NBAS: variants seen among roughly 807,000 people sequenced by gnomAD.
NBAS encodes NBAS subunit of NRZ tethering complex, also known as NAG/BC035112 fusion.
NBAS carries 219 observed loss-of-function variants against 302.5 expected under a neutral mutation model. That is an observed-to-expected ratio of 0.72 (90% CI 0.65 to 0.81). The LOEUF is 0.81. Among genes scored for constraint, NBAS ranks in the 30% least tolerant of loss-of-function variants. The probability of loss-of-function intolerance (pLI) is 0.00; values close to 1 mark genes in which losing one functional copy is unlikely to be tolerated. For missense variants in NBAS, 2,932 were observed against 2,841.6 expected (o/e 1.03, Z -0.72); for synonymous variants, 1,118 against 1,021.6 (o/e 1.09, Z -1.80).
At chr2:15,343,934 TGA>T (rs1461498890) in intron 35 of NBAS, among the ~76,000 whole-genome samples, 1 of 134,926 alleles carries the variant, frequency 7.4e-6, no homozygotes, top group Non-Finnish European at 1.6e-5. Context: ...AAATATACAC[TGA>T]GAGAAAAAAT....
At chr2:14,929,615 T>G in the NBAS span, among the ~76,000 whole-genome samples, 5 of 152,176 alleles carry the variant, frequency 3.3e-5, no homozygotes, top group Non-Finnish European at 7.3e-5. Context: ...TGACCTCAGA[T>G]GATCTGCCTG....
In NBAS at chr2:15,554,144, A is replaced by G; in HGVS notation, c.210-6T>C. On this transcript the variant is annotated splice_region_variant and splice_polypyrimidine_tract_variant and intron_variant, in intron 3 of 51. Coordinates refer to ENST00000281513, the MANE Select transcript of NBAS (RefSeq NM_015909.4). Reference sequence around the variant, plus strand: ...GGAGCAAAAAAGGTGCCGGGCTGAAATCACAACACATTAGTTAGCTTAAAA... The same window carrying G: ...GGAGCAAAAAAGGTGCCGGGCTGAAGTCACAACACATTAGTTAGCTTAAAA... 6.2e-7 allele frequency: 1 copy of G among 1,611,518 alleles called. No homozygotes were observed. The highest frequency in any genetic ancestry group is 8.5e-7 in the Non-Finnish European group (1 of 1,178,106).
the NBAS span, among the ~76,000 whole-genome samples, chr2:15,114,264 A>G: frequency 4.6e-5 from 7 of 152,308 alleles, no homozygotes; most frequent in Admixed American, 3.9e-4. Flanking sequence ...CTAGAAATTC[A>G]AGATCAAAAT....
Position 15,279,012 on chromosome 2 carries a change from A to G in NBAS, c.5139-1911T>C, listed in dbSNP as rs182952916. On this transcript the variant is annotated intron_variant, in intron 42 of 51. Transcript: ENST00000281513. ...TTCAACGAATACCATCATCTCTGAA[A>G]GACAGTGTACACACAGTAGTATGGG... is the stretch of plus-strand genomic sequence containing the variant. 4.7e-4 allele frequency among the ~76,000 whole-genome samples: 71 copies of G among 152,316 alleles called. 1 individual carries two copies. The highest frequency in any genetic ancestry group is 4.6e-3 in the Admixed American group (71 of 15,296).
At chr2:15,182,883 A>G (rs573115437) in intron 50 of NBAS, among the ~76,000 whole-genome samples, 1 of 152,302 alleles carries the variant, frequency 6.6e-6, no homozygotes, top group African/African-American at 2.4e-5. Flanking sequence ...AGGCATTCTG[A>G]GGAGTCGTGA....
chr2:15,558,853 G>C (rs181328238), intron 1 of NBAS, among the ~76,000 whole-genome samples: 1 of 152,142 alleles, frequency 6.6e-6, no homozygotes, highest in East Asian at 1.9e-4. Flanking sequence ...CTGACTGCTT[G>C]AGCCCAGGAG....
At chr2:15,111,771 G>A in the NBAS span, among the ~76,000 whole-genome samples, 6 of 151,550 alleles carry the variant, frequency 4.0e-5, no homozygotes, top group Admixed American at 2.0e-4. Flanking sequence ...AGCAAGGAAC[G>A]CTTAGAAGGT....
chr2:15,195,375 T>A (rs567441423), intron 48 of NBAS, among the ~76,000 whole-genome samples: 1 of 152,330 alleles, frequency 6.6e-6, no homozygotes, highest in African/African-American at 2.4e-5. Context: ...AAGGGTTATA[T>A]ACATACTGTC....
chr2:15,033,121 T>G, the NBAS span, among the ~76,000 whole-genome samples: 1 of 152,216 alleles, frequency 6.6e-6, no homozygotes, highest in Non-Finnish European at 1.5e-5. Context: ...GAACGGCCAC[T>G]CCAATGGGCA....
intron 50 of NBAS, among the ~76,000 whole-genome samples, chr2:15,185,124 T>C (rs944927462): frequency 6.6e-6 from 1 of 152,184 alleles, no homozygotes; most frequent in Non-Finnish European, 1.5e-5. Context: ...GCACAGAGAC[T>C]TGATTTGAAG....
At chr2:15,212,551 G>A (rs997694111) in intron 48 of NBAS, among the ~76,000 whole-genome samples, 1 of 152,130 alleles carries the variant, frequency 6.6e-6, no homozygotes, top group African/African-American at 2.4e-5. Context: ...CCTGTGTACT[G>A]TGCAGACTTT....
At chr2:14,906,739 C>T in the NBAS span, among the ~76,000 whole-genome samples, 5,034 of 152,206 alleles carry the variant, frequency 0.033, 314 homozygotes, top group African/African-American at 0.11. Flanking sequence ...CATTATTCTC[C>T]GATTTTTCTG....
chr2:15,190,869 T>C (rs1665319659), intron 48 of NBAS, among the ~76,000 whole-genome samples: 1 of 152,244 alleles, frequency 6.6e-6, no homozygotes, highest in African/African-American at 2.4e-5. Context: ...AAAGTGTATC[T>C]GTCATAGAAC....
the NBAS span, among the ~76,000 whole-genome samples, chr2:14,991,670 G>A: frequency 6.6e-6 from 1 of 152,170 alleles, no homozygotes; most frequent in Non-Finnish European, 1.5e-5. Flanking sequence ...TGATTCCAAT[G>A]TTCAGCCAAG....
chr2:15,522,855 C>T (rs572246265), intron 9 of NBAS, among the ~76,000 whole-genome samples: 2 of 152,110 alleles, frequency 1.3e-5, no homozygotes, highest in East Asian at 1.9e-4. Context: ...AGTCTATTAA[C>T]ACGTTTTATA....
intron 6 of NBAS, among the ~76,000 whole-genome samples, chr2:15,545,469 C>T (rs1009892166): frequency 2.0e-5 from 3 of 151,982 alleles, no homozygotes; most frequent in African/African-American, 4.8e-5. Context: ...ATCTCAAAAC[C>T]GATACAGGGG....
At chr2:15,327,690 TG>T in intron 38 of NBAS, 59 bp downstream of exon 38, 1 of 1,599,110 alleles carries the variant, frequency 6.3e-7, no homozygotes, top group Non-Finnish European at 8.5e-7. Flanking sequence ...CACAAATTTT[TG>T]GTTAACAATG....
chr2:15,396,379 C>T (rs1675864702), intron 27 of NBAS, 34 bp downstream of exon 27: 2 of 1,533,176 alleles, frequency 1.3e-6, no homozygotes, highest in Non-Finnish European at 1.8e-6. Context: ...CCTTAATAAG[C>T]ATGGAGAAAA....
intron 31 of NBAS, among the ~76,000 whole-genome samples, chr2:15,367,797 G>A (rs1355019619): frequency 6.6e-6 from 1 of 152,094 alleles, no homozygotes; most frequent in Non-Finnish European, 1.5e-5. Context: ...GGGAAGGTAA[G>A]GATTTACTAC....
Sources: allele counts gnomAD v4.1 joint callset (sites outside exome capture counted in the v4.1 genomes callset), GRCh38; gene constraint gnomAD v4.1.1; transcripts MANE v1.5; gene names NCBI Gene and HGNC (gene_info 2026-07-23, HGNC 2026-07-21).